ZNF385D: variants seen among roughly 807,000 people sequenced by gnomAD.
The protein encoded by ZNF385D is zinc finger protein 659.
Under a neutral mutation model 35.8 loss-of-function variants are expected in ZNF385D, and 15 were observed. The observed-to-expected ratio is 0.42, with a 90% confidence interval of 0.28 to 0.64. The LOEUF is 0.64. ZNF385D is among the 30% of genes least tolerant of loss of function. The pLI is 0.23. For missense variants in ZNF385D, 474 were observed against 494.6 expected, an observed-to-expected ratio of 0.96 and a Z score of 0.39; for synonymous variants, 212 against 186.8, an observed-to-expected ratio of 1.13 and a Z score of -1.10.
intron 3 of ZNF385D, among the ~76,000 whole-genome samples, chr3:21,762,435 C>A (rs1248432889): frequency 6.6e-6 from 1 of 152,268 alleles, no homozygotes; most frequent in East Asian, 1.9e-4. Flanking sequence ...CCACTCATGG[C>A]ACCTCCTCTC....
At chr3:21,629,076 G>T (rs1320905834) in intron 2 of ZNF385D, among the ~76,000 whole-genome samples, 1 of 152,092 alleles carries the variant, frequency 6.6e-6, no homozygotes, top group Non-Finnish European at 1.5e-5. Flanking sequence ...TGGCTAAAAT[G>T]CAGAGGATCA....
intron 2 of ZNF385D, among the ~76,000 whole-genome samples, chr3:22,356,472 G>A (rs1696154301): frequency 6.6e-6 from 1 of 151,890 alleles, no homozygotes; most frequent in African/African-American, 2.4e-5. Flanking sequence ...GCAGATAGAA[G>A]AGGCCAGACA....
At chr3:22,000,773 A>AC (rs879845584) in intron 3 of ZNF385D, among the ~76,000 whole-genome samples, 1 of 151,428 alleles carries the variant, frequency 6.6e-6, no homozygotes. Context: ...GGAAAAAAAA[A>AC]CCCGTTAATG....
chr3:21,771,686 T>C (rs962928061), intron 3 of ZNF385D, among the ~76,000 whole-genome samples: 1 of 151,644 alleles, frequency 6.6e-6, no homozygotes, highest in South Asian at 2.1e-4. Flanking sequence ...AGGAAGAGCA[T>C]CTTCCCGAGA....
At chr3:22,347,289 A>C (rs1169557931) in intron 2 of ZNF385D, among the ~76,000 whole-genome samples, 1 of 152,170 alleles carries the variant, frequency 6.6e-6, no homozygotes, top group East Asian at 1.9e-4. Context: ...TTATAAGAAA[A>C]TATTTTGTTG....
chr3:21,960,969 G>T (rs1466329830), intron 3 of ZNF385D, among the ~76,000 whole-genome samples: 1 of 152,084 alleles, frequency 6.6e-6, no homozygotes, highest in Non-Finnish European at 1.5e-5. Flanking sequence ...TAAAATTACA[G>T]CTAGATGGGA....
At chr3:22,067,706 A>G (rs1259099949) in intron 3 of ZNF385D, among the ~76,000 whole-genome samples, 2 of 152,234 alleles carry the variant, frequency 1.3e-5, no homozygotes, top group African/African-American at 2.4e-5. Flanking sequence ...GAAAGAAGCA[A>G]TTATTCTACA....
intron 2 of ZNF385D, among the ~76,000 whole-genome samples, chr3:21,656,140 C>G (rs1575407651): frequency 6.6e-6 from 1 of 151,954 alleles, no homozygotes; most frequent in East Asian, 1.9e-4. Flanking sequence ...ACATGTAGGC[C>G]TATATACTTT....
At chr3:21,543,120 C>G (rs978460008) in intron 3 of ZNF385D, 2 of 152,302 alleles carry the variant, frequency 1.3e-5, no homozygotes, top group Middle Eastern at 3.1e-3. Flanking sequence ...TGAGACCAGC[C>G]TGGCCAACAT....
chr3:21,480,438 T>C (rs1704544599), intron 4 of ZNF385D, among the ~76,000 whole-genome samples: 1 of 152,012 alleles, frequency 6.6e-6, no homozygotes, highest in Non-Finnish European at 1.5e-5. Context: ...CTCACTTGTG[T>C]GGGAAAAAGG....
chr3:22,236,894 A>G (rs1033068377), intron 2 of ZNF385D, among the ~76,000 whole-genome samples: 5 of 152,200 alleles, frequency 3.3e-5, no homozygotes, highest in African/African-American at 1.2e-4. Flanking sequence ...ATAATATTCT[A>G]TTGCATGAAT....
rs1349172378 is a variant in ZNF385D at position 21,769,367 on chromosome 3, G to A, written c.326-104339C>T. ...TCTCAGCCCAAAATCTCCTTAAGCCGATAAGCAACTTCGGCAAAGTCTCAG... is the reference window on the plus strand; with the variant it reads ...TCTCAGCCCAAAATCTCCTTAAGCCAATAAGCAACTTCGGCAAAGTCTCAG... On this transcript the variant is annotated intron_variant, in intron 3 of 5. Transcript: ENST00000494108. Among the ~76,000 whole-genome samples the A allele has an allele frequency of 5.8e-5, 7 of 119,836 alleles. 1 individual carries two copies. The highest frequency in any genetic ancestry group is 3.7e-3 in the Middle Eastern group (1 of 272). The allele number at this position is 119,836 out of a possible 152,430, so 78.6% of individuals were successfully genotyped here.
intron 2 of ZNF385D, among the ~76,000 whole-genome samples, chr3:22,245,270 T>C (rs530799493): frequency 3.2e-4 from 49 of 152,232 alleles, no homozygotes; most frequent in Middle Eastern, 3.4e-3. Flanking sequence ...GACTACCACA[T>C]TGATTTATTT....
intron 3 of ZNF385D, among the ~76,000 whole-genome samples, chr3:21,790,424 A>T (rs1305876067): frequency 6.6e-6 from 1 of 152,174 alleles, no homozygotes; most frequent in African/African-American, 2.4e-5. Flanking sequence ...TCTGTTGGTG[A>T]TAAGATTTGG....
At chr3:21,577,770 A>G in intron 2 of ZNF385D, among the ~76,000 whole-genome samples, 1 of 148,616 alleles carries the variant, frequency 6.7e-6, no homozygotes. Flanking sequence ...AGTGATGTTG[A>G]GCATTTTTCA....
At chr3:22,348,768 A>G (rs1048482488) in intron 2 of ZNF385D, among the ~76,000 whole-genome samples, 1 of 152,146 alleles carries the variant, frequency 6.6e-6, no homozygotes, top group African/African-American at 2.4e-5. Context: ...CTGGCAGAAG[A>G]CTGCTATCTA....
At chr3:21,748,179 G>C (rs1038622505) in intron 1 of ZNF385D, among the ~76,000 whole-genome samples, 2 of 152,230 alleles carry the variant, frequency 1.3e-5, no homozygotes, top group Non-Finnish European at 2.9e-5. Flanking sequence ...GGAGATAAGA[G>C]TGAGGCTTAA....
intron 2 of ZNF385D, among the ~76,000 whole-genome samples, chr3:22,179,154 G>C (rs1695043640): frequency 6.6e-6 from 1 of 152,244 alleles, no homozygotes; most frequent in Admixed American, 6.5e-5. Flanking sequence ...GGATGGCATG[G>C]AATCTATAAA....
intron 3 of ZNF385D, among the ~76,000 whole-genome samples, chr3:22,082,816 C>T (rs1047358186): frequency 1.3e-5 from 2 of 152,152 alleles, no homozygotes; most frequent in Non-Finnish European, 2.9e-5. Context: ...CGACTGACAC[C>T]TCATACAGCA....
Sources: allele counts gnomAD v4.1 joint callset (sites outside exome capture counted in the v4.1 genomes callset), GRCh38; gene constraint gnomAD v4.1.1; transcripts MANE v1.5; gene names NCBI Gene and HGNC (gene_info 2026-07-23, HGNC 2026-07-21).